CNTN4: variants seen among roughly 807,000 people sequenced by gnomAD.
The protein encoded by CNTN4 is contactin 4, also known as contactin-4.
Under a neutral mutation model 122.5 loss-of-function variants are expected in CNTN4, and 77 were observed. That is an observed-to-expected ratio of 0.63 (90% CI 0.52 to 0.76). The LOEUF (loss-of-function observed/expected upper bound fraction) is 0.76. Ranked by LOEUF, CNTN4 falls within the 30% of genes least tolerant of loss-of-function variation. The pLI is 0.00. For synonymous variants in CNTN4, 512 were observed against 447.0 expected (o/e 1.15, Z -1.83); for missense variants, 1,256 against 1,259.1 (o/e 1.00, Z 0.04).
intron 3 of CNTN4, among the ~76,000 whole-genome samples, chr3:2,412,264 T>C (rs2047250807): frequency 6.6e-6 from 1 of 152,150 alleles, no homozygotes; most frequent in South Asian, 2.1e-4. Context: ...CTTTTTTTTT[T>C]TTTGGAGGCG....
chr3:2,534,280 G>A (rs1036952739), intron 3 of CNTN4, among the ~76,000 whole-genome samples: 1 of 152,104 alleles, frequency 6.6e-6, no homozygotes, highest in South Asian at 2.1e-4. Context: ...ATTAATTTTT[G>A]TATAAGTTGT....
chr3:2,714,431 G>A (rs1030077417), intron 4 of CNTN4, among the ~76,000 whole-genome samples: 1 of 152,014 alleles, frequency 6.6e-6, no homozygotes. Context: ...GGGAAGTGTT[G>A]GGGTTGGAGA....
At chr3:2,785,895 G>GCCCCCCCCCCCCCCCCCCCCCCCCCCC (rs149802098) in intron 6 of CNTN4, among the ~76,000 whole-genome samples, 5 of 81,666 alleles carry the variant, frequency 6.1e-5, no homozygotes, top group Admixed American at 1.5e-4. Flanking sequence ...GGCCCACGCT[G>GCCCCCCCCCCCCCCCCCCCCCCCCCCC]CCCCCCCCCG....
intron 2 of CNTN4, among the ~76,000 whole-genome samples, chr3:2,136,825 A>C (rs72622119): frequency 0.062 from 9,420 of 152,264 alleles, 469 homozygotes; most frequent in East Asian, 0.25. Flanking sequence ...TACTGTGGAA[A>C]GTCGTTAATT....
At chr3:2,632,268 A>T (rs917392566) in intron 4 of CNTN4, among the ~76,000 whole-genome samples, 1 of 152,174 alleles carries the variant, frequency 6.6e-6, no homozygotes, top group Non-Finnish European at 1.5e-5. Context: ...AAAACTGTGC[A>T]TAGACAAAAT....
intron 7 of CNTN4, among the ~76,000 whole-genome samples, chr3:2,827,987 G>A (rs779366592): frequency 6.6e-6 from 1 of 152,082 alleles, no homozygotes; most frequent in Non-Finnish European, 1.5e-5. Context: ...AAAGCTATAA[G>A]AATAGTGCTG....
intron 2 of CNTN4, among the ~76,000 whole-genome samples, chr3:2,159,355 A>G (rs1302162507): frequency 6.6e-6 from 1 of 151,964 alleles, no homozygotes; most frequent in East Asian, 1.9e-4. Flanking sequence ...AACAATATCA[A>G]AACAGAAAAA....
At chr3:2,992,409 T>G (rs1040539588) in intron 14 of CNTN4, among the ~76,000 whole-genome samples, 1 of 152,206 alleles carries the variant, frequency 6.6e-6, no homozygotes, top group African/African-American at 2.4e-5. Context: ...ATGTTAGACC[T>G]TTAAACAAAA....
At chr3:2,261,503 G>C (rs2040831456) in intron 2 of CNTN4, among the ~76,000 whole-genome samples, 1 of 152,146 alleles carries the variant, frequency 6.6e-6, no homozygotes, top group South Asian at 2.1e-4. Flanking sequence ...TGAGAAAGCT[G>C]TCCAGAAGAG....
chr3:2,503,068 C>T (rs1053994543), intron 3 of CNTN4, among the ~76,000 whole-genome samples: 6 of 152,062 alleles, frequency 3.9e-5, no homozygotes, highest in Non-Finnish European at 8.8e-5. Context: ...TATCTGCCAT[C>T]AGGGTGTCAT....
intron 3 of CNTN4, among the ~76,000 whole-genome samples, chr3:2,513,811 A>C (rs959876476): frequency 6.6e-6 from 1 of 152,146 alleles, no homozygotes. Flanking sequence ...TCCAGGGGTC[A>C]GTTTAGGGTA....
Position 2,259,222 on chromosome 3 carries a change from T to C in CNTN4, c.-144-79956T>C, listed in dbSNP as rs1420106601. On this transcript the variant is annotated intron_variant, in intron 2 of 24. Coordinates refer to ENST00000418658, the MANE Select transcript of CNTN4 (RefSeq NM_175607.3). ...GTTTTGTCTGGTCAGTCAGTGAACATAAATAAGGAATCTGCTAACCAATCA... is the reference window on the plus strand; with the variant it reads ...GTTTTGTCTGGTCAGTCAGTGAACACAAATAAGGAATCTGCTAACCAATCA... Among the ~76,000 whole-genome samples, 3 of 152,110 alleles carry C rather than the reference T, an allele frequency of 2.0e-5. No homozygotes were observed. In the East Asian group the frequency reaches 5.8e-4, roughly 29 times the overall value.
chr3:2,702,409 G>A (rs1255549450), intron 4 of CNTN4, among the ~76,000 whole-genome samples: 1 of 152,232 alleles, frequency 6.6e-6, no homozygotes, highest in Admixed American at 6.5e-5. Context: ...CAAATGTGAT[G>A]TAGCATATTT....
At chr3:2,549,603 G>C (rs139220829) in intron 3 of CNTN4, among the ~76,000 whole-genome samples, 2 of 152,102 alleles carry the variant, frequency 1.3e-5, no homozygotes, top group African/African-American at 4.8e-5. Flanking sequence ...CCTTTTGCCA[G>C]TATTTTATTG....
At chr3:2,509,069 C>G (rs2076813988) in intron 3 of CNTN4, among the ~76,000 whole-genome samples, 1 of 152,134 alleles carries the variant, frequency 6.6e-6, no homozygotes, top group Non-Finnish European at 1.5e-5. Context: ...AAAGTAATTA[C>G]CAGGCAAACA....
At position 2,781,758 on chromosome 3, in the gene CNTN4, T is replaced by G. The variant is rs12489796; in HGVS notation, c.358+36061T>G. On this transcript the variant is annotated intron_variant, in intron 6 of 24. Transcript: ENST00000418658. The stretch of plus-strand genomic sequence containing the variant: ...TTTTTTTTTTGAGACGGAGTGTCGC[T>G]CTGTCGCCCAGGCTGGAGGGCAGTA... Among the ~76,000 whole-genome samples, 2 of 129,054 alleles carry G rather than the reference T, an allele frequency of 1.5e-5. 1 individual carries two copies. The highest frequency in any genetic ancestry group is 5.1e-4 in the South Asian group (2 of 3,900). 84.7% of individuals were successfully genotyped at this position (129,054 alleles called of 152,430 possible).
chr3:2,853,182 G>GAA (rs952393738), intron 7 of CNTN4, among the ~76,000 whole-genome samples: 1 of 135,250 alleles, frequency 7.4e-6, no homozygotes, highest in African/African-American at 2.7e-5. Context: ...ACAGGGGACG[G>GAA]AAAAAAAAAA....
In CNTN4 at chr3:2,762,040, G is replaced by C. The variant is rs78557502; in HGVS notation, c.358+16343G>C. On this transcript the variant is annotated intron_variant, in intron 6 of 24. Transcript: ENST00000418658. ...CGTTGGACACAGGGAATGCATCAAT[G>C]AACTAGACAGATATGAAGTCTACAT... is the stretch of plus-strand genomic sequence containing the variant. 6.5e-3 allele frequency among the ~76,000 whole-genome samples: 996 copies of C among 152,248 alleles called. 12 individuals are homozygous for C. The highest frequency in any genetic ancestry group is 0.023 in the African/African-American group (965 of 41,538).
chr3:2,180,521 T>C (rs2036968544), intron 2 of CNTN4, among the ~76,000 whole-genome samples: 1 of 152,048 alleles, frequency 6.6e-6, no homozygotes, highest in Non-Finnish European at 1.5e-5. Context: ...AGGATTTTAC[T>C]TCCCTGAATA....
Sources: allele counts gnomAD v4.1 joint callset (sites outside exome capture counted in the v4.1 genomes callset), GRCh38; gene constraint gnomAD v4.1.1; transcripts MANE v1.5; gene names NCBI Gene and HGNC (gene_info 2026-07-23, HGNC 2026-07-21).